DEF8: variants seen among roughly 807,000 people sequenced by gnomAD.
The protein encoded by DEF8 is DEF-8.
DEF8 carries 38 observed loss-of-function variants against 59.1 expected under a neutral mutation model. That is an observed-to-expected ratio of 0.64 (90% CI 0.50 to 0.84). The LOEUF (loss-of-function observed/expected upper bound fraction) is 0.84. Among genes scored for constraint, DEF8 ranks in the 40% least tolerant of loss-of-function variants. The pLI is 0.00. For synonymous variants in DEF8, 265 were observed against 250.1 expected, an observed-to-expected ratio of 1.06 and a Z score of -0.56; for missense variants, 557 against 615.2, an observed-to-expected ratio of 0.91 and a Z score of 1.00.
At chr16:89,950,302 C>T (rs182295802) in intron 2 of DEF8, 36 of 985,556 alleles carry the variant, frequency 3.7e-5, no homozygotes, top group Non-Finnish European at 4.1e-5. Context: ...ATAAACAAGT[C>T]CTTAGCCCTT....
At chr16:89,952,835 C>G (rs553084017) in intron 2 of DEF8, among the ~76,000 whole-genome samples, 1 of 152,352 alleles carries the variant, frequency 6.6e-6, no homozygotes, top group Non-Finnish European at 1.5e-5. Context: ...GCCCCACAGG[C>G]ACAACAGGCA....
chr16:89,964,308 G>A lies in DEF8; in HGVS notation c.1141G>A (p.Glu381Lys), dbSNP rs1029828491. The A allele has an allele frequency of 2.5e-6, 4 of 1,585,782 alleles. No homozygotes were observed. The highest frequency in any genetic ancestry group is 2.3e-5 in the East Asian group (1 of 44,102). ...CGCCAAGCACATCAAGCTGGACTGC[G>A]AGGTGGGCCTCTGCCCGAGGGCCGC... ...LFAKHIKLDC[E>K]RCQAKGFVCE... is the part of the protein sequence containing the mutation. The change falls in exon 11 of 13, where the codon GAG (glutamate) becomes AAG (lysine). Residue 381 changes from glutamate to lysine, a missense_variant and splice_region_variant. Transcript: ENST00000563594.
chr16:89,948,789 G>C lies in DEF8; in HGVS notation c.-133G>C. 2 of 984,034 alleles carry C rather than the reference G, an allele frequency of 2.0e-6. No individual in the cohort carries two copies. Among genetic ancestry groups the C allele is most frequent in the Non-Finnish European group, 2.4e-6 (2 of 829,508 alleles). The allele number at this position is 984,034 out of a possible 1,614,324, so 61.0% of individuals were successfully genotyped here. ...CGGCCGGGCGGATCCAGCGCAGCCG[G>C]GAGACAGATGCGAGGCGGCGGTCAG... On this transcript the variant is annotated 5_prime_UTR_variant, in exon 1 of 13. Coordinates refer to ENST00000563594, the MANE Select transcript of DEF8 (RefSeq NM_001242818.2).
chr16:89,949,144 C>T lies in DEF8; in HGVS notation c.-107-273C>T, dbSNP rs1324379882. On this transcript the variant is annotated intron_variant, in intron 1 of 12. Transcript: ENST00000563594. ...CGGGGACGGGGCTGGGAGGGCGGCCCGCCCGGCGCAGGGGCCTCGAGACCT... is the reference window on the plus strand; with the variant it reads ...CGGGGACGGGGCTGGGAGGGCGGCCTGCCCGGCGCAGGGGCCTCGAGACCT... 4.0e-5 allele frequency among the ~76,000 whole-genome samples: 6 copies of T among 148,802 alleles called. 1 individual carries two copies. The highest frequency in any genetic ancestry group is 7.0e-3 in the Middle Eastern group (2 of 286).
chr16:89,961,560 T>C (rs1451205960), intron 7 of DEF8, among the ~76,000 whole-genome samples, 177 bp from the exon 8 acceptor site: 1 of 152,214 alleles, frequency 6.6e-6, no homozygotes, highest in African/African-American at 2.4e-5. Context: ...CCCATTTTAC[T>C]GATAAGAGAA....
At position 89,954,310 on chromosome 16, in the gene DEF8, A is replaced by C. The variant is rs767162704; in HGVS notation, c.58A>C (p.Lys20Gln). 3.7e-6 allele frequency: 6 copies of C among 1,613,574 alleles called. No homozygotes were observed. The South Asian group carries it at 6.6e-5, about 18-fold the overall frequency. The change falls in exon 3 of 13, where the codon AAG (lysine) becomes CAG (glutamine). Residue 20 changes from lysine to glutamine, a missense_variant. Lys to Gln is a moderately conservative substitution (Grantham distance 53). Coordinates refer to ENST00000563594, the MANE Select transcript of DEF8 (RefSeq NM_001242818.2). The surrounding 1 kb of genome is among the most constrained non-coding windows in gnomAD (Gnocchi z 4.3). ...GCAGGCCCACCTCAACCCCTTCAAC[A>C]AGCAGTCTGGGCCGAGACAGCATGA... ...FRQAHLNPFNKQSGPRQHEQG... is the reference protein window; with the variant it reads ...FRQAHLNPFNQQSGPRQHEQG...
chr16:89,963,653 T>A, intron 10 of DEF8: 1 of 570,736 alleles, frequency 1.8e-6, no homozygotes, highest in Non-Finnish European at 3.1e-6. Flanking sequence ...GCAGCCCTTA[T>A]GTGAATCTCC....
chr16:89,957,679 C>G lies in DEF8; in HGVS notation c.372+19C>G. Reference sequence around the variant, plus strand: ...GCTGAAGGTGGGTGTGGGGCCGCCCCGCCGTGGGGCAGCCTGGGGCCGAGG... The same window carrying G: ...GCTGAAGGTGGGTGTGGGGCCGCCCGGCCGTGGGGCAGCCTGGGGCCGAGG... On this transcript the variant is annotated intron_variant, in intron 5 of 12. Coordinates refer to ENST00000563594, the MANE Select transcript of DEF8 (RefSeq NM_001242818.2). 2 of 1,531,962 alleles carry G rather than the reference C, an allele frequency of 1.3e-6. No homozygotes were observed. The highest frequency in any genetic ancestry group is 1.8e-6 in the Non-Finnish European group (2 of 1,136,260). 94.9% of individuals were successfully genotyped at this position (1,531,962 alleles called of 1,614,324 possible).
chr16:89,962,245 C>A (rs572128493), intron 9 of DEF8, 120 bp downstream of exon 9: 3 of 886,330 alleles, frequency 3.4e-6, no homozygotes, highest in Non-Finnish European at 5.4e-6. Context: ...AGGGAGGCCA[C>A]CTGCTTAGGG....
In DEF8 at chr16:89,966,001, C is replaced by T. The variant is rs759537362; in HGVS notation, c.*38C>T. 1 of 1,501,082 alleles carries T rather than the reference C, an allele frequency of 6.7e-7. No homozygotes were observed. The highest frequency in any genetic ancestry group is 1.4e-5 in the African/African-American group (1 of 72,508). The allele number at this position is 1,501,082 out of a possible 1,614,324, so 93.0% of individuals were successfully genotyped here. On this transcript the variant is annotated 3_prime_UTR_variant, in exon 13 of 13. Transcript: ENST00000563594. ...GTGCTGGGCACCCCGCCTGGCCCGC[C>T]AGGACCCACCCTGCCAACATCAAGT...
intron 4 of DEF8, 33 bp from the exon 5 acceptor site, chr16:89,957,478 G>C: frequency 6.4e-7 from 1 of 1,555,770 alleles, no homozygotes; most frequent in South Asian, 1.2e-5. Flanking sequence ...TGCAGGATGG[G>C]CCTTTGACTG....
chr16:89,955,416 C>T, intron 4 of DEF8, 150 bp downstream of exon 4: 2 of 651,838 alleles, frequency 3.1e-6, no homozygotes, highest in South Asian at 3.7e-5. Flanking sequence ...TCAGCAGCCC[C>T]CACCTCAGCC....
At chr16:89,963,536 T>A in intron 10 of DEF8, 93 bp downstream of exon 10, 2 of 1,053,470 alleles carry the variant, frequency 1.9e-6, no homozygotes, top group Non-Finnish European at 2.8e-6. Flanking sequence ...AGCTTGTGCG[T>A]GGAGTGCCTT....
intron 10 of DEF8, 173 bp from the exon 11 acceptor site, chr16:89,963,997 C>A (rs2034362925): frequency 1.2e-6 from 1 of 853,588 alleles, no homozygotes; most frequent in Non-Finnish European, 2.0e-6. Flanking sequence ...TGGCCCGGGT[C>A]CATCTTCCCC....
At position 89,964,555 on chromosome 16, in the gene DEF8, C is replaced by A; in HGVS notation, c.1233C>A (p.Asp411Glu). Residue 411 changes from aspartate to glutamate, a missense_variant, in exon 12 of 13, where the codon GAC becomes GAA. Physicochemically the swap from Asp to Glu is conservative, Grantham distance 45 (BLOSUM62 2). Coordinates refer to ENST00000563594, the MANE Select transcript of DEF8 (RefSeq NM_001242818.2). ...PFDSHTSVCA[D>E]CSAVFHRDCY... ...ACAGCCACACGTCTGTGTGCGCCGA[C>A]TGCTCCGCGGTCTTCCACAGGTGGG... 1 of 1,578,080 alleles carries A rather than the reference C, an allele frequency of 6.3e-7. No individual in the cohort carries two copies. The highest frequency in any genetic ancestry group is 8.6e-7 in the Non-Finnish European group (1 of 1,163,292).
At chr16:89,955,879 T>A (rs1000799273) in intron 4 of DEF8, among the ~76,000 whole-genome samples, 2 of 151,442 alleles carry the variant, frequency 1.3e-5, no homozygotes, top group African/African-American at 4.9e-5. Context: ...GAGACCATCC[T>A]GGCTAACACG....
intron 10 of DEF8, 180 bp from the exon 11 acceptor site, chr16:89,963,990 C>G: frequency 1.2e-6 from 1 of 807,968 alleles, no homozygotes; most frequent in Non-Finnish European, 2.1e-6. Context: ...GGAAACGTGG[C>G]CCGGGTCCAT....
At chr16:89,963,157 G>A (rs187170504) in intron 9 of DEF8, among the ~76,000 whole-genome samples, 267 of 152,342 alleles carry the variant, frequency 1.8e-3, no homozygotes, top group African/African-American at 6.1e-3. Context: ...AGGGAAGGGA[G>A]GGTTTTCTGG....
intron 2 of DEF8, among the ~76,000 whole-genome samples, chr16:89,952,337 G>A (rs936276889): frequency 6.6e-6 from 1 of 152,150 alleles, no homozygotes; most frequent in Non-Finnish European, 1.5e-5. Flanking sequence ...TTAGTCTCTG[G>A]TTCTCCCTTT....
Sources: gnomAD v4.1 joint callset for allele counts (sites outside exome capture counted in the v4.1 genomes callset) on GRCh38, gnomAD v4.1.1 for gene constraint, Gnocchi (gnomAD v3.1) non-coding constraint, MANE v1.5 for transcripts, NCBI Gene and HGNC (gene_info 2026-07-23, HGNC 2026-07-21) for gene names.